TMEM132E: variants seen among roughly 807,000 people sequenced by gnomAD.
The protein encoded by TMEM132E is transmembrane protein 132E.
A neutral mutation model predicts 78.5 loss-of-function variants in TMEM132E; 49 were observed. The observed-to-expected ratio is 0.62, with a 90% CI of 0.50 to 0.79. The LOEUF (loss-of-function observed/expected upper bound fraction) is 0.79. Among genes scored for constraint, TMEM132E ranks in the 30% least tolerant of loss-of-function variants. The pLI is 0.00. For synonymous variants in TMEM132E, 715 were observed against 670.6 expected, an observed-to-expected ratio of 1.07 and a Z score of -1.02; for missense variants, 1,403 against 1,470.9, an observed-to-expected ratio of 0.95 and a Z score of 0.75.
At chr17:34,622,303 G>A (rs1478173601) in intron 1 of TMEM132E, among the ~76,000 whole-genome samples, 2 of 152,210 alleles carry the variant, frequency 1.3e-5, no homozygotes, top group African/African-American at 4.8e-5. Flanking sequence ...CAGAACAAGT[G>A]AGTGGGAGAG....
In TMEM132E at chr17:34,627,919, G is replaced by A. The variant is rs374032109; in HGVS notation, c.999-644G>A. Among the ~76,000 whole-genome samples, 44 of 152,342 alleles carry A rather than the reference G, an allele frequency of 2.9e-4. No homozygotes were observed. The South Asian group carries it at 7.9e-3, about 27-fold the overall frequency. ...GAGATCTTGGGCTGCATTAATAGGA[G>A]TAGAGCTTGCAGAATTAGAGAGGTG... On this transcript the variant is annotated intron_variant, in intron 2 of 8. Transcript: ENST00000631683.
At chr17:34,602,268 C>G (rs1437142431) in intron 1 of TMEM132E, among the ~76,000 whole-genome samples, 1 of 152,234 alleles carries the variant, frequency 6.6e-6, no homozygotes, top group African/African-American at 2.4e-5. Context: ...TGTCCCACTG[C>G]CCCCTGGGCT....
At chr17:34,623,008 G>C (rs77086905) in intron 1 of TMEM132E, among the ~76,000 whole-genome samples, 1 of 152,094 alleles carries the variant, frequency 6.6e-6, no homozygotes, top group Non-Finnish European at 1.5e-5. Flanking sequence ...AGAAAAGAGA[G>C]GGGGAGAGAA....
rs1054639131 is a variant in TMEM132E at position 34,627,065 on chromosome 17, G to A, written c.998+8G>A. 1 of 1,612,282 alleles carries A rather than the reference G, an allele frequency of 6.2e-7. No homozygotes were observed. Among genetic ancestry groups the A allele is most frequent in the East Asian group, 2.2e-5 (1 of 44,830 alleles). On this transcript the variant is annotated splice_region_variant and intron_variant, in intron 2 of 8. Transcript: ENST00000631683. ...GGAGCACTTCACACTCAGGTAGTAG[G>A]GAAGATGGGTGGGGATCTGGTTTCC...
chr17:34,625,495 A>G (rs1597689552), intron 1 of TMEM132E, among the ~76,000 whole-genome samples: 1 of 152,192 alleles, frequency 6.6e-6, no homozygotes, highest in Non-Finnish European at 1.5e-5. Flanking sequence ...ACTTGGTTAA[A>G]TTATTTAAGT....
chr17:34,632,948 A>G (rs749691910), intron 6 of TMEM132E, 39 bp downstream of exon 6: 2 of 1,607,494 alleles, frequency 1.2e-6, no homozygotes, highest in South Asian at 1.1e-5. Context: ...TGGGAAACTC[A>G]TGGGTGGATA....
chr17:34,588,609 G>A (rs1385133448), intron 1 of TMEM132E, among the ~76,000 whole-genome samples: 2 of 152,172 alleles, frequency 1.3e-5, no homozygotes, highest in Non-Finnish European at 2.9e-5. Flanking sequence ...TTCATGGTGG[G>A]TATGTTTGTC....
intron 1 of TMEM132E, chr17:34,614,302 A>AC (rs1451070827): frequency 6.7e-6 from 1 of 149,774 alleles, no homozygotes; most frequent in African/African-American, 2.5e-5. Context: ...CATCCCTGAG[A>AC]CCCCCACGCA....
At chr17:34,603,283 G>A (rs1019934767) in intron 1 of TMEM132E, among the ~76,000 whole-genome samples, 13 of 152,058 alleles carry the variant, frequency 8.5e-5, no homozygotes, top group African/African-American at 2.4e-4. Flanking sequence ...GGCCTCTAGG[G>A]CAGGAGCCTG....
chr17:34,628,515 G>A (rs1179030020), intron 2 of TMEM132E, 48 bp from the exon 3 acceptor site: 1 of 1,606,718 alleles, frequency 6.2e-7, no homozygotes, highest in Non-Finnish European at 8.5e-7. Context: ...AGGCAGCTTT[G>A]GGCTGTAGCC....
intron 3 of TMEM132E, 96 bp downstream of exon 3, chr17:34,628,805 G>T: frequency 6.9e-7 from 1 of 1,443,140 alleles, no homozygotes; most frequent in Non-Finnish European, 9.1e-7. Context: ...CTTGGGGAGG[G>T]CTGGGGCTCG....
At position 34,630,050 on chromosome 17, in the gene TMEM132E, G is replaced by C; in HGVS notation, c.1381G>C (p.Val461Leu). The C allele has an allele frequency of 6.2e-7, 1 of 1,613,142 alleles. No homozygotes were observed. The highest frequency in any genetic ancestry group is 8.5e-7 in the Non-Finnish European group (1 of 1,179,214). The stretch of plus-strand genomic sequence containing the variant: ...CACGGCCATTCTGACTGGCCGGACA[G>C]TGGCCATCCCTGTCAAGGTCATTGC... ...INTAILTGRT[V>L]AIPVKVIAIE... is the part of the protein sequence containing the mutation. The change falls in exon 5 of 9, where the codon GTG becomes CTG. Residue 461 changes from valine (V) to leucine (L), a missense_variant. Val to Leu is a conservative substitution (Grantham distance 32). Around this residue, in one of 3 missense-constraint regions of TMEM132E, gnomAD observed 888 missense variants for 952.8 expected, o/e 0.93. Transcript: ENST00000631683.
intron 1 of TMEM132E, among the ~76,000 whole-genome samples, chr17:34,604,778 G>A (rs1017422292): frequency 6.6e-6 from 1 of 152,214 alleles, no homozygotes; most frequent in Non-Finnish European, 1.5e-5. Context: ...TAATGAGAAT[G>A]ATTTATTATT....
chr17:34,636,509 G>A (rs1027620609), intron 8 of TMEM132E, among the ~76,000 whole-genome samples: 7 of 152,172 alleles, frequency 4.6e-5, no homozygotes, highest in Admixed American at 3.9e-4. Context: ...GGAGCCCCAA[G>A]TATACACCAC....
At chr17:34,600,803 C>T (rs1906215834) in intron 1 of TMEM132E, among the ~76,000 whole-genome samples, 2 of 152,128 alleles carry the variant, frequency 1.3e-5, no homozygotes, top group South Asian at 2.1e-4. Flanking sequence ...AAGAGCAACC[C>T]CAGCAGGTCA....
chr17:34,627,475 T>TGCGCGCACGCGCGCGCGCGC (rs1567720036), intron 2 of TMEM132E, among the ~76,000 whole-genome samples: 1,467 of 141,434 alleles, frequency 0.01, 34 homozygotes, highest in African/African-American at 0.038. Context: ...ATCGTGTGTG[T>TGCGCGCACGCGCGCGCGCGC]GTGTGTGTGT....
At chr17:34,632,241 C>A (rs567276353) in intron 5 of TMEM132E, among the ~76,000 whole-genome samples, 1 of 152,210 alleles carries the variant, frequency 6.6e-6, no homozygotes, top group Non-Finnish European at 1.5e-5. Context: ...GTCTGCCCCC[C>A]ATCCCCATCC....
intron 1 of TMEM132E, among the ~76,000 whole-genome samples, chr17:34,613,211 A>ACACGCACGCGCGCG: frequency 8.6e-6 from 1 of 115,856 alleles, no homozygotes; most frequent in Non-Finnish European, 1.8e-5. Flanking sequence ...ACACACACAC[A>ACACGCACGCGCGCG]CGCGCGCGCG....
At chr17:34,596,356 T>C (rs1186045479) in intron 1 of TMEM132E, among the ~76,000 whole-genome samples, 2 of 152,146 alleles carry the variant, frequency 1.3e-5, no homozygotes, top group Non-Finnish European at 2.9e-5. Flanking sequence ...GCTTAGAGTA[T>C]GGAAGGGACT....
Sources: allele counts gnomAD v4.1 joint callset (sites outside exome capture counted in the v4.1 genomes callset), GRCh38; gene constraint gnomAD v4.1.1; regional missense constraint gnomAD v4.1.1; transcripts MANE v1.5; gene names NCBI Gene and HGNC (gene_info 2026-07-23, HGNC 2026-07-21).